MAD1L1: variants seen among roughly 807,000 people sequenced by gnomAD.
MAD1L1 encodes the protein mitotic spindle assembly checkpoint protein MAD1.
In MAD1L1, 95 loss-of-function variants were observed where a neutral mutation model predicts 96.9. That is an observed-to-expected ratio of 0.98 (90% CI 0.83 to 1.16). The LOEUF (loss-of-function observed/expected upper bound fraction) is 1.16, where lower values mean the gene tolerates loss of function less well. Ranked by LOEUF, MAD1L1 falls within the 50% of genes most tolerant of loss-of-function variation. The probability of loss-of-function intolerance (pLI) is 0.00; values close to 1 mark genes in which losing one functional copy is unlikely to be tolerated. For missense variants in MAD1L1, 1,007 were observed against 954.4 expected (o/e 1.06, Z -0.73); for synonymous variants, 473 against 396.6 (o/e 1.19, Z -2.29).
chr7:1,870,006 A>C (rs1019788821), intron 18 of MAD1L1, among the ~76,000 whole-genome samples: 2 of 152,184 alleles, frequency 1.3e-5, no homozygotes, highest in African/African-American at 4.8e-5. Flanking sequence ...CTGCCGTGCC[A>C]ACCCGGAGTC....
intron 15 of MAD1L1, 57 bp downstream of exon 15, chr7:1,980,396 C>T (rs1002115868): frequency 7.2e-5 from 105 of 1,460,372 alleles, no homozygotes; most frequent in Admixed American, 1.4e-4. Context: ...TGGGCGTATC[C>T]GCCTCCTCTC....
At chr7:1,927,799 A>G (rs1024802380) in intron 17 of MAD1L1, among the ~76,000 whole-genome samples, 6 of 152,182 alleles carry the variant, frequency 3.9e-5, no homozygotes, top group African/African-American at 1.2e-4. Context: ...TGACCCCTAT[A>G]AAAGAAAACC....
chr7:2,191,828 C>T (rs901551830), intron 10 of MAD1L1, among the ~76,000 whole-genome samples: 7 of 152,052 alleles, frequency 4.6e-5, no homozygotes, highest in African/African-American at 1.7e-4. Flanking sequence ...GTCAGGAGTT[C>T]GAGATCAGCC....
intron 15 of MAD1L1, 142 bp downstream of exon 15, chr7:1,980,311 A>C: frequency 1.5e-6 from 1 of 656,734 alleles, no homozygotes; most frequent in Non-Finnish European, 2.5e-6. Context: ...TCCGTGGGAC[A>C]CACCTGGGCG....
intron 17 of MAD1L1, among the ~76,000 whole-genome samples, chr7:1,931,801 T>A (rs1253334054): frequency 1.3e-5 from 2 of 152,222 alleles, no homozygotes; most frequent in African/African-American, 4.8e-5. Flanking sequence ...CTGCTTCTCA[T>A]GCAACTCTGC....
intron 14 of MAD1L1, among the ~76,000 whole-genome samples, chr7:1,988,989 C>A (rs1034968338): frequency 6.6e-6 from 1 of 152,222 alleles, no homozygotes; most frequent in Non-Finnish European, 1.5e-5. Context: ...CTCACAGGAG[C>A]CCCTTATATC....
intron 11 of MAD1L1, among the ~76,000 whole-genome samples, chr7:2,111,197 C>A (rs971026664): frequency 6.6e-6 from 1 of 152,182 alleles, no homozygotes; most frequent in African/African-American, 2.4e-5. Flanking sequence ...CCCCTCGCTC[C>A]CCCCACACCA....
intron 15 of MAD1L1, among the ~76,000 whole-genome samples, chr7:1,967,990 C>A (rs964067093): frequency 2.6e-5 from 4 of 152,194 alleles, no homozygotes; most frequent in African/African-American, 9.7e-5. Flanking sequence ...GTGGCAAACT[C>A]CCTCCAGTCC....
intron 13 of MAD1L1, among the ~76,000 whole-genome samples, chr7:2,008,637 G>T (rs1403408713): frequency 6.6e-6 from 1 of 152,218 alleles, no homozygotes; most frequent in Non-Finnish European, 1.5e-5. Context: ...CTCGCAGGCA[G>T]GCCAGGCACT....
intron 17 of MAD1L1, among the ~76,000 whole-genome samples, chr7:1,919,893 G>A (rs530040204): frequency 2.0e-5 from 3 of 152,350 alleles, no homozygotes; most frequent in Non-Finnish European, 2.9e-5. Context: ...ACTCTGGGGA[G>A]GGAGCTGAAG....
intron 16 of MAD1L1, among the ~76,000 whole-genome samples, chr7:1,948,024 G>C (rs1006063446): frequency 6.6e-6 from 1 of 152,176 alleles, no homozygotes; most frequent in Non-Finnish European, 1.5e-5. Flanking sequence ...GGAGCGGTGG[G>C]AGGATGAGAA....
At chr7:1,891,938 G>A (rs1333023886) in intron 18 of MAD1L1, among the ~76,000 whole-genome samples, 2 of 152,104 alleles carry the variant, frequency 1.3e-5, no homozygotes, top group Non-Finnish European at 2.9e-5. Context: ...TAGCCTAAGT[G>A]GTACGGCATT....
At chr7:2,148,970 T>C (rs778053678) in intron 11 of MAD1L1, among the ~76,000 whole-genome samples, 182 bp downstream of exon 11, 2 of 152,144 alleles carry the variant, frequency 1.3e-5, no homozygotes, top group African/African-American at 2.4e-5. Context: ...TCACAGCACA[T>C]GGTGGAAACA....
At chr7:1,850,785 A>G (rs1464329888) in intron 18 of MAD1L1, among the ~76,000 whole-genome samples, 2 of 152,168 alleles carry the variant, frequency 1.3e-5, no homozygotes, top group Non-Finnish European at 2.9e-5. Flanking sequence ...TTGCGACAAC[A>G]GCAAACACAT....
intron 18 of MAD1L1, among the ~76,000 whole-genome samples, chr7:1,863,550 G>A (rs995080481): frequency 8.5e-5 from 13 of 152,236 alleles, no homozygotes; most frequent in East Asian, 1.9e-4. Context: ...GCTGACCCCT[G>A]AGCAGCACTT....
intron 11 of MAD1L1, among the ~76,000 whole-genome samples, chr7:2,095,180 C>G (rs1786420648): frequency 6.6e-6 from 1 of 152,036 alleles, no homozygotes; most frequent in African/African-American, 2.4e-5. Flanking sequence ...GTAGCTGGGA[C>G]TACAGGCACC....
At chr7:1,867,310 G>C (rs1229893651) in intron 18 of MAD1L1, among the ~76,000 whole-genome samples, 1 of 151,924 alleles carries the variant, frequency 6.6e-6, no homozygotes, top group East Asian at 1.9e-4. Flanking sequence ...AGGAAGTGTG[G>C]GACAAGGAAG....
At chr7:1,935,250 C>T (rs891527477) in intron 17 of MAD1L1, among the ~76,000 whole-genome samples, 3 of 152,226 alleles carry the variant, frequency 2.0e-5, no homozygotes, top group African/African-American at 2.4e-5. Flanking sequence ...GAGGGAGCCA[C>T]GGCTGGACCA....
At chr7:2,120,446 T>C (rs1787921017) in intron 11 of MAD1L1, among the ~76,000 whole-genome samples, 3 of 152,216 alleles carry the variant, frequency 2.0e-5, no homozygotes, top group African/African-American at 7.2e-5. Context: ...GGGCGCAGCC[T>C]TGGGGTCACC....
Sources: gnomAD v4.1 joint callset for allele counts (sites outside exome capture counted in the v4.1 genomes callset) on GRCh38, gnomAD v4.1.1 for gene constraint, MANE v1.5 for transcripts, NCBI Gene and HGNC (gene_info 2026-07-23, HGNC 2026-07-21) for gene names.